EBPL: variants seen among roughly 807,000 people sequenced by gnomAD.
The protein encoded by EBPL is EBP like, also known as emopamil-binding protein-like.
A neutral mutation model predicts 19.0 loss-of-function variants in EBPL; 20 were observed. That is an observed-to-expected ratio of 1.05 (90% CI 0.74 to 1.53). The LOEUF (loss-of-function observed/expected upper bound fraction) is 1.53. EBPL is among the 40% of genes most tolerant of loss of function. The probability of loss-of-function intolerance (pLI) is 0.00; values close to 1 mark genes in which losing one functional copy is unlikely to be tolerated. For synonymous variants in EBPL, 107 were observed against 117.0 expected (o/e 0.91, Z 0.55); for missense variants, 219 against 261.1 (o/e 0.84, Z 1.11).
At chr13:49,672,515 A>T (rs1196409483) in intron 1 of EBPL, among the ~76,000 whole-genome samples, 7 of 152,234 alleles carry the variant, frequency 4.6e-5, no homozygotes, top group Admixed American at 4.6e-4. Flanking sequence ...TGGCTAACAC[A>T]TAGAACATGC....
chr13:49,666,733 A>AAAAAAAAT (rs1566313741), intron 2 of EBPL, among the ~76,000 whole-genome samples: 1 of 139,944 alleles, frequency 7.1e-6, no homozygotes, highest in Non-Finnish European at 1.5e-5. Flanking sequence ...AAAAAAAAAA[A>AAAAAAAAT]ACAAAAATTA....
chr13:49,666,282 T>A (rs1965226209), intron 2 of EBPL, among the ~76,000 whole-genome samples: 1 of 152,142 alleles, frequency 6.6e-6, no homozygotes, highest in South Asian at 2.1e-4. Context: ...CCCCTCCAAA[T>A]CTGTGCCTGC....
chr13:49,663,477 T>C (rs576494486), intron 2 of EBPL, among the ~76,000 whole-genome samples: 2 of 152,282 alleles, frequency 1.3e-5, no homozygotes, highest in African/African-American at 2.4e-5. Context: ...CTCTTCAACA[T>C]AAGTAGCAGA....
intron 1 of EBPL, among the ~76,000 whole-genome samples, chr13:49,679,093 T>C (rs1305101855): frequency 6.6e-6 from 1 of 151,044 alleles, no homozygotes; most frequent in African/African-American, 2.4e-5. Context: ...CTGAAAACAC[T>C]ACTTACTATT....
At chr13:49,681,759 GA>G (rs1321707340) in intron 1 of EBPL, among the ~76,000 whole-genome samples, 1 of 152,178 alleles carries the variant, frequency 6.6e-6, no homozygotes, top group Non-Finnish European at 1.5e-5. Context: ...AAATTTAGCA[GA>G]AAAAGTCCTT....
chr13:49,672,507 G>A (rs1478421859), intron 1 of EBPL, among the ~76,000 whole-genome samples: 1 of 152,064 alleles, frequency 6.6e-6, no homozygotes, highest in African/African-American at 2.4e-5. Context: ...ATTGCAAATG[G>A]CTAACACATA....
intron 1 of EBPL, among the ~76,000 whole-genome samples, chr13:49,679,669 T>C (rs951684812): frequency 2.2e-4 from 33 of 152,062 alleles, no homozygotes; most frequent in Non-Finnish European, 7.4e-5. Flanking sequence ...GCCAGGCTGA[T>C]TTTTCTTTTT....
At chr13:49,678,355 T>C (rs1436819467) in intron 1 of EBPL, among the ~76,000 whole-genome samples, 1 of 152,110 alleles carries the variant, frequency 6.6e-6, no homozygotes, top group African/African-American at 2.4e-5. Flanking sequence ...CCTTGGGCGG[T>C]CAATCGGACA....
At position 49,663,119 on chromosome 13, in the gene EBPL, G is replaced by A. The variant is rs34505073; in HGVS notation, c.318C>T (p.Val106=). Residue 106 remains valine (V), a synonymous_variant, in exon 3 of 4, where the codon GTC becomes GTT. Coordinates refer to ENST00000242827, the MANE Select transcript of EBPL (RefSeq NM_032565.5). ...ACAATGCCAGAGACCCATCCAGGGC[G>A]ACGGTCAGAATTTCCACAGACACAA... The part of the protein sequence containing the change: ...PTIVSVEILT[V]ALDGSLALFL... The A allele has an allele frequency of 0.019, 30,474 of 1,614,128 alleles. 383 individuals carry two copies. The highest frequency in any genetic ancestry group is 0.023 in the Non-Finnish European group (27,439 of 1,180,004).
intron 2 of EBPL, among the ~76,000 whole-genome samples, chr13:49,664,990 T>C (rs759919228): frequency 5.9e-5 from 9 of 152,050 alleles, no homozygotes; most frequent in Non-Finnish European, 1.3e-4. Context: ...GAAACGTTTC[T>C]CCTCTAAATT....
chr13:49,691,203 C>CT, intron 1 of EBPL, 51 bp downstream of exon 1: 1 of 1,278,780 alleles, frequency 7.8e-7, no homozygotes, highest in South Asian at 3.2e-5. Flanking sequence ...TTGCCGCCCC[C>CT]GCTCCCACTC....
chr13:49,678,128 T>C (rs564127293), intron 1 of EBPL, among the ~76,000 whole-genome samples: 1 of 152,348 alleles, frequency 6.6e-6, no homozygotes, highest in Non-Finnish European at 1.5e-5. Flanking sequence ...GAGAGCTGAT[T>C]GGTCCGTTTT....
chr13:49,672,177 C>T (rs1287667353), intron 1 of EBPL, among the ~76,000 whole-genome samples: 3 of 152,214 alleles, frequency 2.0e-5, no homozygotes, highest in Non-Finnish European at 4.4e-5. Flanking sequence ...AGAAACATGA[C>T]ATTTGTGTTC....
rs137869269 is a variant in EBPL at position 49,669,783 on chromosome 13, A to C, written c.235T>G (p.Ser79Ala). 11 of 1,613,964 alleles carry C rather than the reference A, an allele frequency of 6.8e-6. No individual in the cohort carries two copies. In the African/African-American group the frequency reaches 1.5e-4, roughly 22 times the overall value. ...AACGTTTTTAATTACTTACATAAAG[A>C]AGCAATCAAGCCATCGGAATTTGCA... ...NVANSDGLIA[S>A]LWKEYGKADA... The change falls in exon 2 of 4, where the codon TCT (serine) becomes GCT (alanine). Residue 79 changes from serine (S) to alanine (A), a missense_variant. Ser to Ala is a moderately conservative substitution (Grantham distance 99). Around this residue, in one of 2 missense-constraint regions of EBPL, gnomAD observed 170 missense variants for 167.0 expected, o/e 1.02. Coordinates refer to ENST00000242827, the MANE Select transcript of EBPL (RefSeq NM_032565.5).
chr13:49,674,443 G>A (rs972314799), intron 1 of EBPL, among the ~76,000 whole-genome samples: 1 of 152,238 alleles, frequency 6.6e-6, no homozygotes, highest in African/African-American at 2.4e-5. Flanking sequence ...TGTTAGCATC[G>A]TGGAAACCTG....
At chr13:49,673,601 T>A (rs936628943) in intron 1 of EBPL, among the ~76,000 whole-genome samples, 1 of 152,102 alleles carries the variant, frequency 6.6e-6, no homozygotes, top group Non-Finnish European at 1.5e-5. Context: ...CACGCCCACC[T>A]AATTTTTGTA....
chr13:49,685,558 C>T (rs1044968213), intron 1 of EBPL, among the ~76,000 whole-genome samples: 1 of 152,194 alleles, frequency 6.6e-6, no homozygotes, highest in African/African-American at 2.4e-5. Flanking sequence ...AGCACCAAAA[C>T]AGCAAAGCAG....
chr13:49,689,031 G>T (rs1378527605), intron 1 of EBPL, among the ~76,000 whole-genome samples: 1 of 152,170 alleles, frequency 6.6e-6, no homozygotes, highest in Non-Finnish European at 1.5e-5. Flanking sequence ...TTAAGTGATC[G>T]TATTCATCAA....
intron 1 of EBPL, among the ~76,000 whole-genome samples, chr13:49,672,468 A>G (rs1953827911): frequency 6.6e-6 from 1 of 152,200 alleles, no homozygotes; most frequent in African/African-American, 2.4e-5. Flanking sequence ...CAGTTCTCTG[A>G]GGGCCAATTC....
Sources: allele counts gnomAD v4.1 joint callset (sites outside exome capture counted in the v4.1 genomes callset), GRCh38; gene constraint gnomAD v4.1.1; regional missense constraint gnomAD v4.1.1; transcripts MANE v1.5; gene names NCBI Gene and HGNC (gene_info 2026-07-23, HGNC 2026-07-21).